Variants in GRB2 observed in about 807,000 individuals in gnomAD.
GRB2 encodes growth factor receptor-bound protein 2.
GRB2 carries 2 observed loss-of-function variants against 27.4 expected under a neutral mutation model. That is an observed-to-expected ratio of 0.07 (90% CI 0.03 to 0.23). The LOEUF (loss-of-function observed/expected upper bound fraction) is 0.23. Ranked by LOEUF, GRB2 falls within the 10% of genes least tolerant of loss-of-function variation. The probability of loss-of-function intolerance (pLI) is 1.00; values close to 1 mark genes in which losing one functional copy is unlikely to be tolerated. For synonymous variants in GRB2, 94 were observed against 99.6 expected (o/e 0.94, Z 0.33); for missense variants, 102 against 282.4 (o/e 0.36, Z 4.58).
At chr17:75,326,293 C>T (rs1392967216) in intron 3 of GRB2, 4 of 433,650 alleles carry the variant, frequency 9.2e-6, no homozygotes, top group South Asian at 4.7e-5. Context: ...TGAAAATGGG[C>T]CCCCCAGGCC....
In GRB2 at chr17:75,321,737, C is replaced by A. The variant is rs1433224486; in HGVS notation, c.390G>T (p.Glu130Asp). 4 of 1,614,114 alleles carry A rather than the reference C, an allele frequency of 2.5e-6. No individual in the cohort carries two copies. In the East Asian group the frequency reaches 8.9e-5, roughly 36 times the overall value. Residue 130 changes from glutamate to aspartate, a missense_variant, in exon 5 of 6, where the codon GAG becomes GAT. Glu to Asp is a conservative substitution (Grantham distance 45, BLOSUM62 2). Coordinates refer to ENST00000316804, the MANE Select transcript of GRB2 (RefSeq NM_002086.5). ...LWVVKFNSLN[E>D]LVDYHRSTSV... ...ATGTAGATCTGTGATAATCCACCAG[C>A]TCATTCAAAGAATTGAACTTCACCA...
Position 75,370,581 on chromosome 17 carries a change from T to C in GRB2, c.78+22970A>G, listed in dbSNP as rs575761954. On this transcript the variant is annotated intron_variant, in intron 2 of 5. Transcript: ENST00000316804. ...AACAGCTGTTTGTTAAGCCAAGTGT[T>C]CTGGCAAAGCTTGAAAAATAGAAAA... Among the ~76,000 whole-genome samples the C allele has an allele frequency of 2.0e-5, 3 of 152,298 alleles. No homozygotes were observed. The South Asian group carries it at 6.2e-4, about 32-fold the overall frequency.
At chr17:75,388,106 T>C (rs2078976168) in intron 2 of GRB2, among the ~76,000 whole-genome samples, 1 of 152,148 alleles carries the variant, frequency 6.6e-6, no homozygotes, top group Non-Finnish European at 1.5e-5. Context: ...TTTTTGTTTT[T>C]GTTTTTTTGA....
At chr17:75,327,132 A>G (rs1338384486) in intron 3 of GRB2, among the ~76,000 whole-genome samples, 1 of 148,036 alleles carries the variant, frequency 6.8e-6, no homozygotes, top group Non-Finnish European at 1.5e-5. Context: ...CAGTGGCACG[A>G]TCTCGCTCAC....
chr17:75,353,542 C>A (rs1372666784), intron 2 of GRB2, among the ~76,000 whole-genome samples: 1 of 152,112 alleles, frequency 6.6e-6, no homozygotes, highest in Non-Finnish European at 1.5e-5. Context: ...GCAGGCAGAT[C>A]ATGAGGTCAG....
intron 2 of GRB2, among the ~76,000 whole-genome samples, chr17:75,361,119 T>TCC (rs1424409284): frequency 6.6e-6 from 1 of 152,204 alleles, no homozygotes; most frequent in Non-Finnish European, 1.5e-5. Context: ...CTGTTACACT[T>TCC]CCTTCCTGTA....
intron 2 of GRB2, among the ~76,000 whole-genome samples, chr17:75,376,232 C>T (rs1338000917): frequency 6.7e-6 from 1 of 149,148 alleles, no homozygotes; most frequent in Non-Finnish European, 1.5e-5. Context: ...ATAGTCCCAG[C>T]TACTTGGGAG....
intron 2 of GRB2, chr17:75,371,452 T>G (rs2078856155): frequency 6.6e-6 from 1 of 152,148 alleles, no homozygotes; most frequent in Admixed American, 6.6e-5. Flanking sequence ...CTGAGTAGGA[T>G]GAACATGGTG....
intron 3 of GRB2, among the ~76,000 whole-genome samples, chr17:75,329,255 G>GT (rs1388479561): frequency 4.6e-5 from 7 of 152,134 alleles, no homozygotes; most frequent in South Asian, 2.1e-4. Context: ...CACTAGGGAG[G>GT]TTTTTTCCCA....
intron 1 of GRB2, among the ~76,000 whole-genome samples, chr17:75,395,830 T>C (rs1216422021): frequency 8.1e-6 from 1 of 122,764 alleles, no homozygotes; most frequent in East Asian, 2.4e-4. Flanking sequence ...AAACCAATCA[T>C]ACTTTTTGTG....
At chr17:75,375,407 T>C (rs1270519184) in intron 2 of GRB2, among the ~76,000 whole-genome samples, 1 of 149,538 alleles carries the variant, frequency 6.7e-6, no homozygotes, top group Non-Finnish European at 1.5e-5. Context: ...AGAGAGAAAG[T>C]AATTAACCAA....
chr17:75,338,987 C>T lies in GRB2; in HGVS notation c.79-6190G>A, dbSNP rs1005550927. On this transcript the variant is annotated intron_variant, in intron 2 of 5. Transcript: ENST00000316804. ...AGTGGCTATGGTGGGCAGACTAAGT[C>T]GATTTTCCGGAAAAAGGCTGAAACC... 3.8e-5 allele frequency: 47 copies of T among 1,241,134 alleles called. No homozygotes were observed. In the East Asian group the frequency reaches 9.5e-4, roughly 25 times the overall value. 76.9% of individuals were successfully genotyped at this position (1,241,134 alleles called of 1,614,324 possible).
At chr17:75,348,473 T>C (rs1276171411) in intron 2 of GRB2, among the ~76,000 whole-genome samples, 2 of 152,230 alleles carry the variant, frequency 1.3e-5, no homozygotes, top group South Asian at 2.1e-4. Flanking sequence ...ACTTTAGATA[T>C]TGTTCAAGTG....
At chr17:75,342,775 A>G (rs552405045) in intron 2 of GRB2, among the ~76,000 whole-genome samples, 25 of 152,262 alleles carry the variant, frequency 1.6e-4, no homozygotes, top group African/African-American at 5.8e-4. Context: ...GGCTGGGTGC[A>G]GTGGCTCACG....
At chr17:75,386,651 T>C (rs143649042) in intron 2 of GRB2, among the ~76,000 whole-genome samples, 115 of 152,278 alleles carry the variant, frequency 7.6e-4, no homozygotes, top group African/African-American at 2.6e-3. Context: ...AAATCACTCA[T>C]GGAAGCAATG....
At chr17:75,339,043 G>A (rs186579368) in intron 2 of GRB2, 29 of 1,271,528 alleles carry the variant, frequency 2.3e-5, no homozygotes, top group Admixed American at 1.0e-4. Flanking sequence ...GCTTGAGTGC[G>A]TTGAGCCCAA....
chr17:75,371,631 C>T (rs2078857316), intron 2 of GRB2: 1 of 152,042 alleles, frequency 6.6e-6, no homozygotes, highest in African/African-American at 2.4e-5. Context: ...AAAAGAAGAA[C>T]ACCCAGAAAA....
chr17:75,350,362 G>A (rs1457357113), intron 2 of GRB2, among the ~76,000 whole-genome samples: 1 of 152,172 alleles, frequency 6.6e-6, no homozygotes, highest in Non-Finnish European at 1.5e-5. Flanking sequence ...TGACAGCAGG[G>A]GAAGCCAAGT....
intron 2 of GRB2, among the ~76,000 whole-genome samples, chr17:75,359,358 C>A (rs1427744409): frequency 6.6e-6 from 1 of 150,474 alleles, no homozygotes; most frequent in African/African-American, 2.4e-5. Flanking sequence ...ATACAAAAAT[C>A]AGCCAGGCAC....
Sources: allele counts gnomAD v4.1 joint callset (sites outside exome capture counted in the v4.1 genomes callset), GRCh38; gene constraint gnomAD v4.1.1; transcripts MANE v1.5; gene names NCBI Gene and HGNC (gene_info 2026-07-23, HGNC 2026-07-21).